KLF12: variants seen among roughly 807,000 people sequenced by gnomAD.
KLF12 encodes the protein Krueppel-like factor 12.
Under a neutral mutation model 37.8 loss-of-function variants are expected in KLF12, and 9 were observed. That is an observed-to-expected ratio of 0.24 (90% CI 0.14 to 0.42). KLF12 has a LOEUF of 0.42. KLF12 is among the 10% of genes least tolerant of loss of function. The pLI is 1.00. For missense variants in KLF12, 411 were observed against 516.0 expected (o/e 0.80, Z 1.97); for synonymous variants, 208 against 202.1 (o/e 1.03, Z -0.25).
At chr13:74,210,143 GC>G in the KLF12 span, among the ~76,000 whole-genome samples, 1 of 152,168 alleles carries the variant, frequency 6.6e-6, no homozygotes, top group African/African-American at 2.4e-5. Context: ...TGATCCAGGT[GC>G]TTCGTTAATA....
At chr13:73,819,552 G>A (rs1883411566) in intron 4 of KLF12, among the ~76,000 whole-genome samples, 3 of 148,372 alleles carry the variant, frequency 2.0e-5, no homozygotes, top group South Asian at 2.2e-4. Context: ...GAACACCTAC[G>A]AGGTAGCAAG....
chr13:74,250,031 A>G, the KLF12 span, among the ~76,000 whole-genome samples: 2 of 152,208 alleles, frequency 1.3e-5, no homozygotes, highest in Non-Finnish European at 2.9e-5. Flanking sequence ...ACACATTGAG[A>G]CATAATTATG....
chr13:73,856,894 T>C (rs1435547001), intron 3 of KLF12, among the ~76,000 whole-genome samples: 3 of 151,972 alleles, frequency 2.0e-5, no homozygotes, highest in Admixed American at 1.3e-4. Context: ...GGCTAAGGCA[T>C]GAGAATCACT....
chr13:73,865,565 G>A (rs1253034206), intron 3 of KLF12, among the ~76,000 whole-genome samples: 2 of 152,046 alleles, frequency 1.3e-5, no homozygotes, highest in Non-Finnish European at 2.9e-5. Context: ...TAATCACAAC[G>A]TCTGCTATTC....
the KLF12 span, among the ~76,000 whole-genome samples, chr13:74,222,632 C>T: frequency 6.4e-3 from 968 of 152,246 alleles, 13 homozygotes; most frequent in African/African-American, 0.022. Context: ...AATGCTGAAA[C>T]AGTCATAATA....
At chr13:74,130,573 C>T (rs1249553097) in intron 1 of KLF12, among the ~76,000 whole-genome samples, 1 of 151,246 alleles carries the variant, frequency 6.6e-6, no homozygotes, top group East Asian at 1.9e-4. Flanking sequence ...GGGAGGATCC[C>T]TTGAGCCCGG....
At chr13:74,185,201 AAC>A in the KLF12 span, among the ~76,000 whole-genome samples, 1 of 152,336 alleles carries the variant, frequency 6.6e-6, no homozygotes, top group African/African-American at 2.4e-5. Context: ...AATAAACTAT[AAC>A]ACAATAAATA....
chr13:74,055,020 A>AT (rs1873166802), intron 1 of KLF12, among the ~76,000 whole-genome samples: 2 of 152,372 alleles, frequency 1.3e-5, no homozygotes, highest in Admixed American at 1.3e-4. Flanking sequence ...AGAAATTACA[A>AT]TAACAGGGCA....
chr13:73,766,196 G>A (rs1276227138), intron 5 of KLF12, among the ~76,000 whole-genome samples: 1 of 152,152 alleles, frequency 6.6e-6, no homozygotes, highest in East Asian at 1.9e-4. Flanking sequence ...TGTTAATTAT[G>A]CAGAAAGATG....
At chr13:73,771,016 C>A (rs1285527275) in intron 5 of KLF12, among the ~76,000 whole-genome samples, 1 of 151,932 alleles carries the variant, frequency 6.6e-6, no homozygotes, top group Non-Finnish European at 1.5e-5. Context: ...TAATCCTGGC[C>A]CTATCTCCCA....
intron 4 of KLF12, chr13:73,844,595 G>C (rs974737626): frequency 2.6e-5 from 4 of 152,068 alleles, no homozygotes; most frequent in African/African-American, 9.7e-5. Context: ...GTGTGATAAA[G>C]AAACTCACTG....
chr13:73,804,968 A>G (rs1266145213), intron 5 of KLF12, among the ~76,000 whole-genome samples: 1 of 152,200 alleles, frequency 6.6e-6, no homozygotes, highest in Admixed American at 6.5e-5. Flanking sequence ...AACCAAATAC[A>G]TGAGCTTTCT....
chr13:73,827,566 T>C (rs978603240), intron 4 of KLF12, among the ~76,000 whole-genome samples: 1 of 152,190 alleles, frequency 6.6e-6, no homozygotes, highest in Non-Finnish European at 1.5e-5. Context: ...TCTATTTTTA[T>C]TTATTTTTTA....
chr13:73,723,791 A>C (rs1025627647), intron 6 of KLF12, among the ~76,000 whole-genome samples: 2 of 152,232 alleles, frequency 1.3e-5, no homozygotes, highest in Non-Finnish European at 2.9e-5. Context: ...ACAAACATGA[A>C]AAAAAGCTCA....
rs1173236024 is a variant in KLF12 at position 73,691,240 on chromosome 13, T to A, written c.*4250A>T. ...TCTGTACAGGTTAAGTGGAAGGCAG[T>A]GTGGGGATGAGTAGAAATGTCATAT... On this transcript the variant is annotated 3_prime_UTR_variant, in exon 8 of 8. Coordinates refer to ENST00000377669, the MANE Select transcript of KLF12 (RefSeq NM_007249.5). 3 of 152,668 alleles carry A rather than the reference T, an allele frequency of 2.0e-5. No homozygotes were observed. The highest frequency in any genetic ancestry group is 7.2e-5 in the African/African-American group (3 of 41,464). The allele number at this position is 152,668 out of a possible 1,614,324, so 9.5% of individuals were successfully genotyped here. A position where few individuals can be genotyped will look rare whatever the true frequency, so the allele number is the denominator to read the frequency against.
chr13:74,074,932 C>T (rs1231281289), intron 1 of KLF12, among the ~76,000 whole-genome samples: 2 of 152,196 alleles, frequency 1.3e-5, no homozygotes, highest in African/African-American at 2.4e-5. Context: ...GCACACAGCA[C>T]AGCAGTATGC....
At chr13:74,288,104 C>T in the KLF12 span, among the ~76,000 whole-genome samples, 4 of 151,706 alleles carry the variant, frequency 2.6e-5, no homozygotes, top group African/African-American at 9.7e-5. Context: ...GAGAACTAGG[C>T]GGCTTTCTGA....
chr13:74,291,214 G>C, the KLF12 span, among the ~76,000 whole-genome samples: 1 of 152,240 alleles, frequency 6.6e-6, no homozygotes, highest in Middle Eastern at 3.4e-3. Context: ...CAGATTCCTG[G>C]GCTTTTCTGA....
intron 7 of KLF12, among the ~76,000 whole-genome samples, chr13:73,699,735 C>T (rs1874409359): frequency 6.6e-6 from 1 of 152,156 alleles, no homozygotes; most frequent in African/African-American, 2.4e-5. Context: ...AAAGTAGAAG[C>T]TGAGATGTTT....
Sources: gnomAD v4.1 joint callset for allele counts (sites outside exome capture counted in the v4.1 genomes callset) on GRCh38, gnomAD v4.1.1 for gene constraint, MANE v1.5 for transcripts, NCBI Gene and HGNC (gene_info 2026-07-23, HGNC 2026-07-21) for gene names.